The following EPHX2 variants were observed in gnomAD, a reference collection of about 807,000 sequenced individuals.
EPHX2 encodes bifunctional epoxide hydrolase 2.
In EPHX2, 74 loss-of-function variants were observed where a neutral mutation model predicts 78.7. The ratio of observed to expected loss-of-function variants is 0.94; its 90% confidence interval spans 0.78 to 1.14. The LOEUF (loss-of-function observed/expected upper bound fraction) is 1.14. EPHX2 is among the 50% of genes most tolerant of loss of function. The probability of loss-of-function intolerance (pLI) is 0.00; values close to 1 mark genes in which losing one functional copy is unlikely to be tolerated. For missense variants in EPHX2, 715 were observed against 702.5 expected (o/e 1.02, Z -0.20); for synonymous variants, 251 against 255.2 (o/e 0.98, Z 0.16).
downstream of EPHX2, among the ~76,000 whole-genome samples, chr8:27,547,180 G>A (rs1393472839): frequency 4.6e-5 from 7 of 152,098 alleles, no homozygotes; most frequent in South Asian, 2.1e-4. Flanking sequence ...AATCCAAACC[G>A]TATCAAGGGC....
intron 2 of EPHX2, among the ~76,000 whole-genome samples, chr8:27,501,324 T>TTTCTCCTTCTTCTTC (rs1813761926): frequency 1.9e-5 from 2 of 102,914 alleles, no homozygotes; most frequent in South Asian, 3.9e-4. Flanking sequence ...TGCTATATAT[T>TTTCTCCTTCTTCTTC]TTCTTCTTCT....
At chr8:27,529,221 C>T (rs960583429) in intron 12 of EPHX2, among the ~76,000 whole-genome samples, 6 of 152,198 alleles carry the variant, frequency 3.9e-5, no homozygotes, top group African/African-American at 1.4e-4. Flanking sequence ...TGGGAATCTG[C>T]CAAGTCTGCT....
At chr8:27,517,900 C>CT in intron 8 of EPHX2, 138 bp from the exon 9 acceptor site, 1 of 682,732 alleles carries the variant, frequency 1.5e-6, no homozygotes, top group Non-Finnish European at 2.5e-6. Context: ...CTACCTCAGT[C>CT]TAAGGATTTA....
Position 27,544,219 on chromosome 8 carries a change from T to G in EPHX2, c.1564T>G (p.Cys522Gly). The change falls in exon 18 of 19, where the codon TGT becomes GGT. Residue 522 changes from cysteine to glycine, a missense_variant. Physicochemically the swap from Cys to Gly is radical, Grantham distance 159. Transcript: ENST00000521400. ...PHLKRGHIED[C>G]GHWTQMDKPT... ...CCTGAAAAGGGGACACATTGAGGAC[T>G]GTGGGCACTGGACACAGATGGACAA... 1 of 1,614,214 alleles carries G rather than the reference T, an allele frequency of 6.2e-7. No individual in the cohort carries two copies. The highest frequency in any genetic ancestry group is 8.5e-7 in the Non-Finnish European group (1 of 1,180,040).
chr8:27,543,770 G>T lies in EPHX2; in HGVS notation c.1471G>T (p.Val491Phe), dbSNP rs1284918396. The change falls in exon 17 of 19, where the codon GTC (valine) becomes TTC (phenylalanine). Residue 491 changes from valine to phenylalanine, a missense_variant. Val to Phe is a conservative substitution (Grantham distance 50). Coordinates refer to ENST00000521400, the MANE Select transcript of EPHX2 (RefSeq NM_001979.6). ...GRKILIPALM[V>F]TAEKDFVLVP... Reference sequence around the variant, plus strand: ...CCAGATCCTGATTCCGGCCCTGATGGTCACGGCGGAGAAGGACTTCGTGCT... The same window carrying T: ...CCAGATCCTGATTCCGGCCCTGATGTTCACGGCGGAGAAGGACTTCGTGCT... 1.2e-6 allele frequency: 2 copies of T among 1,613,992 alleles called. No homozygotes were observed. Among genetic ancestry groups the T allele is most frequent in the Non-Finnish European group, 1.7e-6 (2 of 1,180,030 alleles).
intron 12 of EPHX2, among the ~76,000 whole-genome samples, chr8:27,526,375 C>T (rs552723784): frequency 1.3e-5 from 2 of 152,336 alleles, no homozygotes; most frequent in South Asian, 2.1e-4. Context: ...GAAGAGACCT[C>T]GACATGTCGC....
chr8:27,538,842 T>C, intron 14 of EPHX2, 150 bp downstream of exon 14: 1 of 788,412 alleles, frequency 1.3e-6, no homozygotes, highest in Non-Finnish European at 2.2e-6. Flanking sequence ...TGCATAGGGC[T>C]GACTCTAACC....
chr8:27,546,677 C>A (rs1343486949), downstream of EPHX2, among the ~76,000 whole-genome samples: 1 of 152,180 alleles, frequency 6.6e-6, no homozygotes, highest in Non-Finnish European at 1.5e-5. Flanking sequence ...AATATTCTAT[C>A]CAGTCATCTC....
chr8:27,534,449 G>A (rs1350675362), intron 12 of EPHX2, among the ~76,000 whole-genome samples: 1 of 152,046 alleles, frequency 6.6e-6, no homozygotes, highest in Non-Finnish European at 1.5e-5. Context: ...TCAGAAGCTC[G>A]AGACTAGCCC....
chr8:27,510,947 A>G (rs1585196856), intron 5 of EPHX2, among the ~76,000 whole-genome samples: 1 of 152,238 alleles, frequency 6.6e-6, no homozygotes, highest in Middle Eastern at 3.4e-3. Context: ...GAGACCCCCA[A>G]AAAAGGGAGA....
At chr8:27,504,034 T>C (rs1411800529) in intron 3 of EPHX2, among the ~76,000 whole-genome samples, 1 of 152,222 alleles carries the variant, frequency 6.6e-6, no homozygotes, top group African/African-American at 2.4e-5. Flanking sequence ...GGCACTTTAG[T>C]AATGACCCAA....
intron 4 of EPHX2, among the ~76,000 whole-genome samples, chr8:27,506,108 C>T (rs747033713): frequency 1.3e-5 from 2 of 152,152 alleles, no homozygotes; most frequent in Non-Finnish European, 2.9e-5. Flanking sequence ...CCTGCCTCAG[C>T]CTCCCAAGTA....
At chr8:27,514,679 A>G (rs1373779155) in intron 6 of EPHX2, among the ~76,000 whole-genome samples, 5 of 152,112 alleles carry the variant, frequency 3.3e-5, no homozygotes, top group African/African-American at 9.7e-5. Context: ...CTCGAGGCCC[A>G]TGTCATTCAG....
chr8:27,530,080 T>C (rs76705863), intron 12 of EPHX2, among the ~76,000 whole-genome samples: 1 of 144,094 alleles, frequency 6.9e-6, no homozygotes, highest in Non-Finnish European at 1.5e-5. Flanking sequence ...TTTTTTTTTT[T>C]CTGCTGTGTT....
intron 12 of EPHX2, among the ~76,000 whole-genome samples, chr8:27,534,101 A>G (rs568900128): frequency 9.8e-5 from 15 of 152,304 alleles, no homozygotes; most frequent in African/African-American, 3.6e-4. Context: ...GCTTCCATCC[A>G]TGACCTAAAT....
intron 15 of EPHX2, among the ~76,000 whole-genome samples, chr8:27,540,887 C>T (rs757507306): frequency 2.0e-5 from 3 of 152,182 alleles, no homozygotes; most frequent in Non-Finnish European, 2.9e-5. Flanking sequence ...ATGGGGCCCC[C>T]ATAGGGCAGA....
intron 1 of EPHX2, chr8:27,492,999 A>G (rs1813436963): frequency 6.5e-6 from 1 of 154,436 alleles, no homozygotes. Flanking sequence ...TCCAGAGGGG[A>G]ACTCTCTAGG....
chr8:27,534,459 C>T (rs764398176), intron 12 of EPHX2, among the ~76,000 whole-genome samples: 10 of 151,916 alleles, frequency 6.6e-5, no homozygotes, highest in Non-Finnish European at 1.3e-4. Context: ...GAGACTAGCC[C>T]GACCAACATG....
At chr8:27,501,062 G>A (rs773263366) in intron 2 of EPHX2, 52 bp downstream of exon 2, 1 of 1,516,098 alleles carries the variant, frequency 6.6e-7, no homozygotes, top group Non-Finnish European at 9.1e-7. Flanking sequence ...CTCTGCCTGT[G>A]TGCCCATCTC....
Sources: allele counts gnomAD v4.1 joint callset (sites outside exome capture counted in the v4.1 genomes callset), GRCh38; gene constraint gnomAD v4.1.1; transcripts MANE v1.5; gene names NCBI Gene and HGNC (gene_info 2026-07-23, HGNC 2026-07-21).